Variants in GRIP1 observed in about 807,000 individuals in gnomAD.
GRIP1 encodes the protein glutamate receptor-interacting protein 1.
GRIP1 carries 45 observed loss-of-function variants against 129.9 expected under a neutral mutation model. That is an observed-to-expected ratio of 0.35 (90% CI 0.27 to 0.44). The LOEUF is 0.44. Among genes scored for constraint, GRIP1 ranks in the 20% least tolerant of loss-of-function variants. GRIP1 has a pLI of 1.00. For missense variants in GRIP1, 1,196 were observed against 1,396.8 expected, an observed-to-expected ratio of 0.86 and a Z score of 2.29; for synonymous variants, 530 against 520.8, an observed-to-expected ratio of 1.02 and a Z score of -0.24.
intron 4 of GRIP1, among the ~76,000 whole-genome samples, chr12:66,538,221 A>AG (rs2061665179): frequency 6.7e-6 from 1 of 148,438 alleles, no homozygotes; most frequent in Admixed American, 6.7e-5. Context: ...TTTTTTTTAA[A>AG]CAGGGTTTTG....
At chr12:66,923,597 A>G (rs1397385655) in intron 1 of GRIP1, among the ~76,000 whole-genome samples, 1 of 152,172 alleles carries the variant, frequency 6.6e-6, no homozygotes, top group Non-Finnish European at 1.5e-5. Context: ...TCATCAGATA[A>G]AGGCTGCCAC....
At chr12:66,899,993 T>A (rs1019652661) in intron 1 of GRIP1, among the ~76,000 whole-genome samples, 4 of 152,038 alleles carry the variant, frequency 2.6e-5, no homozygotes, top group Admixed American at 6.6e-5. Context: ...TCTCCATTCT[T>A]GGGCAGGATA....
At chr12:66,882,923 G>C (rs772128373) in intron 1 of GRIP1, among the ~76,000 whole-genome samples, 17 of 152,130 alleles carry the variant, frequency 1.1e-4, no homozygotes, top group African/African-American at 2.2e-4. Context: ...CATAACCAAA[G>C]AGACACCTTT....
At chr12:67,049,429 G>A (rs2043305561) in intron 1 of GRIP1, among the ~76,000 whole-genome samples, 1 of 152,108 alleles carries the variant, frequency 6.6e-6, no homozygotes, top group Non-Finnish European at 1.5e-5. Flanking sequence ...GATGAAGCTG[G>A]AAGCCATCAT....
intron 7 of GRIP1, among the ~76,000 whole-genome samples, chr12:66,492,508 G>A (rs2060129377): frequency 6.6e-6 from 1 of 152,154 alleles, no homozygotes; most frequent in South Asian, 2.1e-4. Context: ...GGCACTGAGA[G>A]GCACCAGCTG....
intron 2 of GRIP1, among the ~76,000 whole-genome samples, chr12:66,576,745 T>A (rs2063150723): frequency 6.6e-6 from 1 of 152,156 alleles, no homozygotes; most frequent in African/African-American, 2.4e-5. Context: ...TTCTCAAACA[T>A]TACTGGCAGA....
At chr12:67,054,482 G>T (rs919032980) in intron 1 of GRIP1, among the ~76,000 whole-genome samples, 3 of 152,100 alleles carry the variant, frequency 2.0e-5, no homozygotes, top group Non-Finnish European at 2.9e-5. Context: ...TACAGCTGGG[G>T]GCCAGGTGCA....
At chr12:66,619,045 TTTG>T (rs1336698169) in intron 1 of GRIP1, among the ~76,000 whole-genome samples, 8 of 152,240 alleles carry the variant, frequency 5.3e-5, no homozygotes, top group East Asian at 3.9e-4. Context: ...TCCTTCAAGC[TTTG>T]TTGTTGTTGT....
chr12:66,786,457 TG>T (rs1237707226), intron 1 of GRIP1, among the ~76,000 whole-genome samples: 1 of 152,140 alleles, frequency 6.6e-6, no homozygotes, highest in African/African-American at 2.4e-5. Context: ...TTCACCTTCA[TG>T]GCCATTCAAC....
At chr12:66,614,674 A>T (rs11176321) in intron 1 of GRIP1, among the ~76,000 whole-genome samples, 3,241 of 152,210 alleles carry the variant, frequency 0.021, 117 homozygotes, top group African/African-American at 0.074. Context: ...AAAGTTCCCC[A>T]GGGGCTTCCA....
intron 1 of GRIP1, among the ~76,000 whole-genome samples, chr12:66,819,027 A>G (rs1344468639): frequency 6.6e-6 from 1 of 152,196 alleles, no homozygotes; most frequent in East Asian, 1.9e-4. Flanking sequence ...TGTCTTTTAC[A>G]TGTATTTAGT....
At chr12:66,974,008 C>T (rs532467512) in intron 1 of GRIP1, among the ~76,000 whole-genome samples, 8 of 151,034 alleles carry the variant, frequency 5.3e-5, no homozygotes, top group African/African-American at 1.7e-4. Flanking sequence ...CTGCAACCTC[C>T]GCCTCCCTGG....
rs1372210033 is a variant in GRIP1 at position 66,355,517 on chromosome 12, ATG to A, written c.3013-1956_3013-1955del. Among the ~76,000 whole-genome samples, 5 of 152,214 alleles carry A rather than the reference ATG, an allele frequency of 3.3e-5. No individual in the cohort carries two copies. The South Asian group carries it at 1.0e-3, about 32-fold the overall frequency. On this transcript the variant is annotated intron_variant, in intron 23 of 24. Transcript: ENST00000359742. ...TACTACATAAAGGGTGTGTGGGGTT[ATG>A]TGTGTGTGTAGCCTAGTGACACCAG...
intron 7 of GRIP1, among the ~76,000 whole-genome samples, chr12:66,469,220 TA>T (rs2059370580): frequency 6.6e-6 from 1 of 152,184 alleles, no homozygotes; most frequent in South Asian, 2.1e-4. Flanking sequence ...TCTTCACTTG[TA>T]AAATGAAGAG....
chr12:66,359,341 A>G (rs940554837), intron 23 of GRIP1, among the ~76,000 whole-genome samples: 2 of 152,202 alleles, frequency 1.3e-5, no homozygotes, highest in Admixed American at 6.5e-5. Flanking sequence ...GTGGGCCTGG[A>G]ATAATAGTGA....
chr12:67,042,243 T>C (rs778113217), intron 1 of GRIP1, among the ~76,000 whole-genome samples: 1 of 152,136 alleles, frequency 6.6e-6, no homozygotes, highest in Non-Finnish European at 1.5e-5. Context: ...TCTTTATAAA[T>C]TACTCAGGTT....
At chr12:67,048,248 C>T (rs113817658) in intron 1 of GRIP1, among the ~76,000 whole-genome samples, 244 of 151,578 alleles carry the variant, frequency 1.6e-3, no homozygotes, top group Middle Eastern at 3.4e-3. Flanking sequence ...CACACACAAA[C>T]GTGACAAGAT....
intron 1 of GRIP1, among the ~76,000 whole-genome samples, chr12:66,658,460 A>G (rs2033298715): frequency 6.6e-6 from 1 of 152,120 alleles, no homozygotes; most frequent in Non-Finnish European, 1.5e-5. Context: ...TAAGCAACCA[A>G]CTTAAAATCC....
intron 7 of GRIP1, among the ~76,000 whole-genome samples, chr12:66,475,207 T>C (rs1357272988): frequency 7.2e-5 from 11 of 151,848 alleles, no homozygotes; most frequent in Non-Finnish European, 1.0e-4. Flanking sequence ...GACTTTAAAC[T>C]AACAAAGATC....
Sources: gnomAD v4.1 joint callset for allele counts (sites outside exome capture counted in the v4.1 genomes callset) on GRCh38, gnomAD v4.1.1 for gene constraint, MANE v1.5 for transcripts, NCBI Gene and HGNC (gene_info 2026-07-23, HGNC 2026-07-21) for gene names.